Variants in FSIP2 observed in about 807,000 individuals in gnomAD.
FSIP2 encodes the protein fibrous sheath interacting protein 2, also known as fibrous sheath-interacting protein 2.
In FSIP2, 367 loss-of-function variants were observed where a neutral mutation model predicts 510.5. The ratio of observed to expected loss-of-function variants is 0.72; its 90% CI spans 0.66 to 0.78. The LOEUF (loss-of-function observed/expected upper bound fraction) is 0.78. FSIP2 is among the 30% of genes least tolerant of loss of function. The probability of loss-of-function intolerance (pLI) is 0.00; values close to 1 mark genes in which losing one functional copy is unlikely to be tolerated. For synonymous variants in FSIP2, 2,601 were observed against 2,732.2 expected, an observed-to-expected ratio of 0.95 and a Z score of 1.50; for missense variants, 7,594 against 7,901.7, an observed-to-expected ratio of 0.96 and a Z score of 1.48.
At chr2:185,759,968 ATTATCTATTTATTTG>A (rs1207138154) in intron 9 of FSIP2, among the ~76,000 whole-genome samples, 2 of 149,668 alleles carry the variant, frequency 1.3e-5, no homozygotes, top group Non-Finnish European at 1.5e-5. Flanking sequence ...GGCTCTTCAT[ATTATCTATTTATTTG>A]TGATGAGACA....
chr2:185,753,612 A>G, intron 7 of FSIP2, 110 bp from the exon 8 acceptor site: 1 of 563,912 alleles, frequency 1.8e-6, no homozygotes, highest in South Asian at 2.8e-5. Flanking sequence ...TTACAAATCA[A>G]GACAGGACTG....
intron 7 of FSIP2, among the ~76,000 whole-genome samples, chr2:185,751,473 G>GTGTT (rs1692145685): frequency 7.1e-6 from 1 of 139,884 alleles, no homozygotes; most frequent in African/African-American, 2.5e-5. Context: ...GTGTGTGTGT[G>GTGTT]TGTGTGTGTG....
At position 185,795,272 on chromosome 2, in the gene FSIP2, G is replaced by A. The variant is rs1022422388; in HGVS notation, c.8136G>A (p.Gly2712=). The A allele has an allele frequency of 3.3e-6, 5 of 1,535,008 alleles. No homozygotes were observed. The African/African-American group carries it at 5.5e-5, about 17-fold the overall frequency. The change falls in exon 16 of 23, where the codon GGG becomes GGA. Residue 2712 remains glycine (G), a synonymous_variant. Transcript: ENST00000424728. ...ACAGCAGATCCAAGACTGCCATTGG[G>A]TTGTCACACATCATGTCAGCTGGAG... ...LKDSRSKTAI[G]LSHIMSAGDA... is the part of the protein sequence containing the mutation.
chr2:185,771,602 C>T (rs1692609925), intron 13 of FSIP2, among the ~76,000 whole-genome samples: 1 of 152,136 alleles, frequency 6.6e-6, no homozygotes, highest in Non-Finnish European at 1.5e-5. Flanking sequence ...TGGGTCTGGC[C>T]CCTAAAACCA....
In FSIP2 at chr2:185,796,576, A is replaced by C. The variant is rs1210238070; in HGVS notation, c.9440A>C (p.Gln3147Pro). The C allele has an allele frequency of 3.3e-6, 5 of 1,535,064 alleles. No individual in the cohort carries two copies. The Admixed American group carries it at 9.8e-5, about 30-fold the overall frequency. ...IQNLSRESLF[Q>P]GAENAYTVNQ... ...AACCTTTCAAGAGAAAGTTTGTTCCAAGGAGCTGAAAATGCCTACACTGTT... is the reference window on the plus strand; with the variant it reads ...AACCTTTCAAGAGAAAGTTTGTTCCCAGGAGCTGAAAATGCCTACACTGTT... Residue 3147 changes from glutamine (Q) to proline (P), a missense_variant, in exon 16 of 23, where the codon CAA (glutamine) becomes CCA (proline). Transcript: ENST00000424728.
rs1183129658 is a variant in FSIP2, at chr2:185,804,631, T to C, written c.15325T>C (p.Tyr5109His). 4 of 1,533,198 alleles carry C rather than the reference T, an allele frequency of 2.6e-6. No individual in the cohort carries two copies. The African/African-American group carries it at 4.1e-5, about 16-fold the overall frequency. 95.0% of individuals were successfully genotyped at this position (1,533,198 alleles called of 1,614,324 possible). Reference sequence around the variant, plus strand: ...AAAGGATAGCCATGCCTTGCCACCATATATTACTGTGTTGCCTCATTCTCT... The same window carrying C: ...AAAGGATAGCCATGCCTTGCCACCACATATTACTGTGTTGCCTCATTCTCT... ...ITKDSHALPPYITVLPHSLLE... is the reference protein window; with the variant it reads ...ITKDSHALPPHITVLPHSLLE... Residue 5109 changes from tyrosine (Y) to histidine (H), a missense_variant, in exon 17 of 23, where the codon TAT becomes CAT. By Grantham distance (83) the Tyr-to-His change is moderately conservative. Coordinates refer to ENST00000424728, the MANE Select transcript of FSIP2 (RefSeq NM_173651.4).
chr2:185,822,896 A>T (rs1182443988), intron 19 of FSIP2, among the ~76,000 whole-genome samples: 1 of 151,878 alleles, frequency 6.6e-6, no homozygotes, highest in East Asian at 1.9e-4. Flanking sequence ...CCAGAGATAA[A>T]CTCTTCCATA....
At chr2:185,763,732 C>A (rs1692401201) in intron 12 of FSIP2, among the ~76,000 whole-genome samples, 1 of 151,414 alleles carries the variant, frequency 6.6e-6, no homozygotes, top group Non-Finnish European at 1.5e-5. Context: ...CTCAACTGCC[C>A]TAGGGAGTTA....
intron 17 of FSIP2, among the ~76,000 whole-genome samples, chr2:185,810,982 C>G (rs985454237): frequency 1.3e-5 from 2 of 151,994 alleles, no homozygotes; most frequent in African/African-American, 4.8e-5. Flanking sequence ...CCCTAGAGTT[C>G]TGTGGAGTTT....
rs1436221653 is a variant in FSIP2 at position 185,801,165 on chromosome 2, T to C, written c.11859T>C (p.Asp3953=). 6.5e-7 allele frequency: 1 copy of C among 1,534,050 alleles called. No homozygotes were observed. Among genetic ancestry groups the C allele is most frequent in the East Asian group, 2.5e-5 (1 of 40,812 alleles). ...PFERQRTKEM[D]KVAIHNKLHQ... ...AAAGACAGAGAACAAAGGAAATGGA[T>C]AAGGTAGCCATTCATAATAAGCTAC... Residue 3953 remains aspartate (D), a synonymous_variant, in exon 17 of 23, where the codon GAT becomes GAC. Coordinates refer to ENST00000424728, the MANE Select transcript of FSIP2 (RefSeq NM_173651.4).
chr2:185,800,725 G>A lies in FSIP2; in HGVS notation c.11419G>A (p.Gly3807Arg), dbSNP rs1362625970. ...VEDGKSDYRK[G>R]GMDCECLQVD... ...AGATGGAAAATCTGATTATCGTAAG[G>A]GAGGAATGGACTGTGAATGCCTTCA... is the stretch of plus-strand genomic sequence containing the variant. Residue 3807 changes from glycine to arginine, a missense_variant, in exon 17 of 23, where the codon GGA (glycine) becomes AGA (arginine). Physicochemically the swap from Gly to Arg is moderately radical, Grantham distance 125. Coordinates refer to ENST00000424728, the MANE Select transcript of FSIP2 (RefSeq NM_173651.4). The A allele has an allele frequency of 9.1e-6, 14 of 1,533,414 alleles. No individual in the cohort carries two copies. Among genetic ancestry groups the A allele is most frequent in the African/African-American group, 4.1e-5 (3 of 72,820 alleles). The allele number at this position is 1,533,414 out of a possible 1,614,324, so 95.0% of individuals were successfully genotyped here.
chr2:185,811,989 C>T (rs553243219), intron 17 of FSIP2, among the ~76,000 whole-genome samples: 12 of 152,082 alleles, frequency 7.9e-5, no homozygotes, highest in Non-Finnish European at 1.0e-4. Context: ...GAACTTCTAC[C>T]GGTAAATACA....
In FSIP2 at chr2:185,745,519, A is replaced by G; in HGVS notation, c.568A>G (p.Lys190Glu). 2 of 1,535,838 alleles carry G rather than the reference A, an allele frequency of 1.3e-6. No individual in the cohort carries two copies. Among genetic ancestry groups the G allele is most frequent in the Non-Finnish European group, 1.7e-6 (2 of 1,146,598 alleles). ...DVAQVQNWLL[K>E]EGTESIKDQE... ...TGCACAAGTCCAAAACTGGTTGTTA[A>G]AGGAGGGCACTGAATCTATTAAGGA... Residue 190 changes from lysine to glutamate, a missense_variant, in exon 5 of 23, where the codon AAG becomes GAG. Transcript: ENST00000424728.
Position 185,794,984 on chromosome 2 carries a change from G to A in FSIP2, c.7848G>A (p.Met2616Ile), listed in dbSNP as rs1038182189. 5.2e-6 allele frequency: 8 copies of A among 1,533,904 alleles called. No individual in the cohort carries two copies. Among genetic ancestry groups the A allele is most frequent in the Non-Finnish European group, 7.0e-6 (8 of 1,145,704 alleles). The change falls in exon 16 of 23, where the codon ATG becomes ATA. Residue 2616 changes from methionine to isoleucine, a missense_variant. By Grantham distance (10) the Met-to-Ile change is conservative. Coordinates refer to ENST00000424728, the MANE Select transcript of FSIP2 (RefSeq NM_173651.4). ...TCGACAGTCAAAATATCTCTGTGAT[G>A]GAAAACACTCTTTTGCCATATTTAC... ...SYVDSQNISV[M>I]ENTLLPYLPL...
chr2:185,804,171 G>C lies in FSIP2; in HGVS notation c.14865G>C (p.Glu4955Asp). Residue 4955 changes from glutamate to aspartate, a missense_variant, in exon 17 of 23, where the codon GAG (glutamate) becomes GAC (aspartate). Coordinates refer to ENST00000424728, the MANE Select transcript of FSIP2 (RefSeq NM_173651.4). ...TCTTTTTGGAGGAAGTAATTTCTGA[G>C]CTCTTATGCAAAATTCTTTATGCAT... ...SSVFLEEVISELLCKILYAFS... is the reference protein window; with the variant it reads ...SSVFLEEVISDLLCKILYAFS... 1 of 1,510,680 alleles carries C rather than the reference G, an allele frequency of 6.6e-7. No individual in the cohort carries two copies. The highest frequency in any genetic ancestry group is 2.5e-5 in the East Asian group (1 of 40,526). The allele number at this position is 1,510,680 out of a possible 1,614,324, so 93.6% of individuals were successfully genotyped here.
At chr2:185,815,978 C>A (rs1288528955) in intron 19 of FSIP2, among the ~76,000 whole-genome samples, 3 of 151,878 alleles carry the variant, frequency 2.0e-5, no homozygotes, top group Non-Finnish European at 4.4e-5. Flanking sequence ...AAAGACAATC[C>A]AAGTTTGGAT....
At chr2:185,815,536 G>C in intron 19 of FSIP2, 65 bp downstream of exon 19, 1 of 709,666 alleles carries the variant, frequency 1.4e-6, no homozygotes, top group Non-Finnish European at 2.3e-6. Context: ...AGTAGAATGG[G>C]GCCCCTGGCA....
In FSIP2 at chr2:185,791,460, G is replaced by A. The variant is rs1693123893; in HGVS notation, c.4324G>A (p.Glu1442Lys). Reference protein sequence around the residue: ...VLERIGETLHEMLSKLLGTHL... With the variant: ...VLERIGETLHKMLSKLLGTHL... ...AGAAAGAATTGGGGAAACACTACAT[G>A]AAATGTTAAGCAAGCTCCTGGGGAC... The change falls in exon 16 of 23, where the codon GAA (glutamate) becomes AAA (lysine). Residue 1442 changes from glutamate (E) to lysine (K), a missense_variant. By Grantham distance (56) the Glu-to-Lys change is moderately conservative. Transcript: ENST00000424728. The A allele has an allele frequency of 1.3e-6, 2 of 1,534,254 alleles. No homozygotes were observed. The highest frequency in any genetic ancestry group is 1.7e-6 in the Non-Finnish European group (2 of 1,145,626).
Position 185,808,414 on chromosome 2 carries a change from GA to G in FSIP2, c.19115del (p.Asn6372ThrfsTer7). 6.2e-7 allele frequency: 1 copy of G among 1,608,092 alleles called. No individual in the cohort carries two copies. Among genetic ancestry groups the G allele is most frequent in the Non-Finnish European group, 8.5e-7 (1 of 1,178,176 alleles). On this transcript the variant is annotated frameshift_variant, in exon 17 of 23. Transcript: ENST00000424728. LOFTEE classifies it high-confidence loss of function. ...IRLPSSSSKD[E>X]KNLSKTELNK... Reference sequence around the variant, plus strand: ...GTTGCCAAGTTCCTCAAGCAAAGATGAAAAAAACTTATCAAAGACTGAGTTA... The same window carrying G: ...GTTGCCAAGTTCCTCAAGCAAAGATGAAAAAACTTATCAAAGACTGAGTTA...
Sources: gnomAD v4.1 joint callset for allele counts (sites outside exome capture counted in the v4.1 genomes callset) on GRCh38, gnomAD v4.1.1 for gene constraint, MANE v1.5 for transcripts, NCBI Gene and HGNC (gene_info 2026-07-23, HGNC 2026-07-21) for gene names.